The following ZBTB20 variants were observed in gnomAD, a reference collection of about 807,000 sequenced individuals.
ZBTB20 encodes zinc finger and BTB domain-containing protein 20.
In ZBTB20, 9 loss-of-function variants were observed where a neutral mutation model predicts 56.9. That is an observed-to-expected ratio of 0.16 (90% confidence interval 0.10 to 0.28). The LOEUF (loss-of-function observed/expected upper bound fraction) is 0.28. ZBTB20 is among the 10% of genes least tolerant of loss of function. The probability of loss-of-function intolerance (pLI) is 1.00; values close to 1 mark genes in which losing one functional copy is unlikely to be tolerated. For missense variants in ZBTB20, 655 were observed against 1,003.0 expected, an observed-to-expected ratio of 0.65 and a Z score of 4.69; for synonymous variants, 417 against 420.7, an observed-to-expected ratio of 0.99 and a Z score of 0.11.
chr3:114,360,344 CTTTTT>C (rs11295159), intron 10 of ZBTB20, among the ~76,000 whole-genome samples: 5 of 111,778 alleles, frequency 4.5e-5, no homozygotes, highest in Non-Finnish European at 5.7e-5. Context: ...GCAAGATTTT[CTTTTT>C]TTTTTTTTTT....
chr3:114,584,850 A>G (rs748139671), intron 6 of ZBTB20, among the ~76,000 whole-genome samples: 1 of 152,122 alleles, frequency 6.6e-6, no homozygotes, highest in Non-Finnish European at 1.5e-5. Flanking sequence ...AATCAGACAA[A>G]ACACTATCAG....
At chr3:114,679,956 T>TA in intron 6 of ZBTB20, among the ~76,000 whole-genome samples, 1 of 152,150 alleles carries the variant, frequency 6.6e-6, no homozygotes, top group East Asian at 1.9e-4. Flanking sequence ...TATGCAGCCA[T>TA]AAAAAAGGAT....
chr3:114,522,272 G>A (rs1450126869), intron 6 of ZBTB20, among the ~76,000 whole-genome samples: 2 of 152,064 alleles, frequency 1.3e-5, no homozygotes, highest in African/African-American at 4.8e-5. Context: ...CATTTAAGGC[G>A]GTCAGAAAAG....
chr3:114,611,626 T>C (rs1369571689), intron 6 of ZBTB20, among the ~76,000 whole-genome samples: 2 of 152,162 alleles, frequency 1.3e-5, no homozygotes, highest in African/African-American at 4.8e-5. Flanking sequence ...CAATCCTAGG[T>C]TGGACTAGGA....
chr3:114,884,537 G>GA (rs2076533700), intron 4 of ZBTB20, among the ~76,000 whole-genome samples: 1 of 152,030 alleles, frequency 6.6e-6, no homozygotes, highest in African/African-American at 2.4e-5. Flanking sequence ...TTAAACTAAG[G>GA]AAAATTCAAT....
In ZBTB20 at chr3:114,636,707, G is replaced by T. The variant is rs775251013; in HGVS notation, c.-295+56821C>A. Among the ~76,000 whole-genome samples the T allele has an allele frequency of 8.8e-4, 133 of 151,942 alleles. 3 individuals carry two copies. The highest frequency in any genetic ancestry group is 5.8e-4 in the African/African-American group (24 of 41,408). On this transcript the variant is annotated intron_variant, in intron 6 of 11. Transcript: ENST00000675478. ...AAAGAGAAAGGAATCAAAGCATATT[G>T]CTACAAAAGATAATCAAATCACAAA...
chr3:114,458,894 T>A (rs1295188811), intron 7 of ZBTB20, among the ~76,000 whole-genome samples: 1 of 152,176 alleles, frequency 6.6e-6, no homozygotes. Context: ...ATACTGTGCC[T>A]GCATTATACT....
chr3:114,518,800 T>G (rs1350720018), intron 6 of ZBTB20: 2 of 152,146 alleles, frequency 1.3e-5, no homozygotes, highest in Non-Finnish European at 2.9e-5. Context: ...CTGGGGCTAA[T>G]TTTTGCCCCC....
chr3:114,707,726 C>T (rs910908015), intron 5 of ZBTB20, among the ~76,000 whole-genome samples: 1 of 152,146 alleles, frequency 6.6e-6, no homozygotes, highest in Non-Finnish European at 1.5e-5. Flanking sequence ...TCCCTATTTG[C>T]CTGGGCAGGA....
rs546791924 is a variant in ZBTB20 at position 114,635,115 on chromosome 3, C to G, written c.-295+58413G>C. 2.6e-5 allele frequency among the ~76,000 whole-genome samples: 4 copies of G among 152,258 alleles called. No homozygotes were observed. In the South Asian group the frequency reaches 6.2e-4, roughly 24 times the overall value. On this transcript the variant is annotated intron_variant, in intron 6 of 11. Coordinates refer to ENST00000675478, the MANE Select transcript of ZBTB20 (RefSeq NM_001348800.3). ...ACTGAGCCTTGTGCGACCATTAGAA[C>G]TTGGTTCTGAGGGATAGTTAGCAAA... is the stretch of plus-strand genomic sequence containing the variant.
intron 4 of ZBTB20, among the ~76,000 whole-genome samples, chr3:114,869,714 G>A (rs1386156346): frequency 6.6e-6 from 1 of 152,118 alleles, no homozygotes; most frequent in Non-Finnish European, 1.5e-5. Context: ...CTATATGTGT[G>A]AAATCCCATC....
At chr3:115,091,944 A>T (rs548387056) in intron 1 of ZBTB20, among the ~76,000 whole-genome samples, 1 of 152,096 alleles carries the variant, frequency 6.6e-6, no homozygotes, top group Non-Finnish European at 1.5e-5. Flanking sequence ...TGCATATAAA[A>T]TTGCTGTGGG....
chr3:114,646,398 T>A (rs531935439), intron 6 of ZBTB20, among the ~76,000 whole-genome samples: 2 of 152,304 alleles, frequency 1.3e-5, no homozygotes, highest in East Asian at 3.9e-4. Flanking sequence ...TTTCTTCTGA[T>A]GAAAACTCCT....
At chr3:114,362,380 A>G (rs879782839) in intron 10 of ZBTB20, among the ~76,000 whole-genome samples, 2 of 152,164 alleles carry the variant, frequency 1.3e-5, no homozygotes, top group Non-Finnish European at 2.9e-5. Context: ...ATGTTTCTTT[A>G]TAATGTGTGG....
chr3:114,709,393 G>T (rs1410086346), intron 5 of ZBTB20, among the ~76,000 whole-genome samples: 2 of 152,090 alleles, frequency 1.3e-5, no homozygotes, highest in Non-Finnish European at 2.9e-5. Context: ...AAAAGGCCAA[G>T]GTAGTTCCAA....
chr3:114,947,557 G>C (rs1355342606), intron 3 of ZBTB20, among the ~76,000 whole-genome samples: 1 of 145,942 alleles, frequency 6.9e-6, no homozygotes, highest in Non-Finnish European at 1.5e-5. Flanking sequence ...CTCAGAAACA[G>C]AGACAAATGT....
chr3:114,579,867 T>A (rs2054468897), intron 6 of ZBTB20, among the ~76,000 whole-genome samples: 1 of 151,684 alleles, frequency 6.6e-6, no homozygotes, highest in South Asian at 2.1e-4. Flanking sequence ...ATCAGAAATT[T>A]CCTCTGTGGT....
intron 3 of ZBTB20, among the ~76,000 whole-genome samples, chr3:114,970,922 G>A (rs2077853135): frequency 6.6e-6 from 1 of 151,992 alleles, no homozygotes; most frequent in Admixed American, 6.6e-5. Context: ...GGCTAAGGCA[G>A]GAGAATAGCA....
intron 4 of ZBTB20, among the ~76,000 whole-genome samples, chr3:114,828,179 A>C (rs1215041432): frequency 1.3e-5 from 2 of 151,782 alleles, no homozygotes; most frequent in East Asian, 1.9e-4. Flanking sequence ...AAATAGAATA[A>C]ATTTCAATTA....
Sources: allele counts gnomAD v4.1 joint callset (sites outside exome capture counted in the v4.1 genomes callset), GRCh38; gene constraint gnomAD v4.1.1; transcripts MANE v1.5; gene names NCBI Gene and HGNC (gene_info 2026-07-23, HGNC 2026-07-21).